ARHGAP39: variants seen among roughly 807,000 people sequenced by gnomAD.
ARHGAP39 encodes the protein rho GTPase-activating protein 39.
A neutral mutation model predicts 106.9 loss-of-function variants in ARHGAP39; 44 were observed. The observed-to-expected ratio is 0.41, with a 90% CI of 0.32 to 0.53. The LOEUF is 0.53. ARHGAP39 is among the 20% of genes least tolerant of loss of function. The probability of loss-of-function intolerance (pLI) is 0.21; values close to 1 mark genes in which losing one functional copy is unlikely to be tolerated. For synonymous variants in ARHGAP39, 768 were observed against 693.2 expected, an observed-to-expected ratio of 1.11 and a Z score of -1.69; for missense variants, 1,496 against 1,577.3, an observed-to-expected ratio of 0.95 and a Z score of 0.87.
At chr8:144,580,158 C>T (rs1818917745) in intron 3 of ARHGAP39, among the ~76,000 whole-genome samples, 1 of 152,098 alleles carries the variant, frequency 6.6e-6, no homozygotes. Context: ...GGGCAGGGGT[C>T]TCCTGGGCTC....
Position 144,643,406 on chromosome 8 carries a change from TCATG to T in ARHGAP39, c.-81-37715_-81-37712del, listed in dbSNP as rs1353256451. ...AGGCAGAGGTTGCAGTGAGCTGTGA[TCATG>T]CCACTGTACTTCAGCCTAGGCGACA... On this transcript the variant is annotated intron_variant, in intron 1 of 11. Coordinates refer to ENST00000377307, the MANE Select transcript of ARHGAP39 (RefSeq NM_025251.3). 3.3e-5 allele frequency among the ~76,000 whole-genome samples: 5 copies of T among 152,246 alleles called. No homozygotes were observed. The East Asian group carries it at 9.7e-4, about 29-fold the overall frequency.
Position 144,646,771 on chromosome 8 carries a change from T to A in ARHGAP39, c.-82+38915A>T, listed in dbSNP as rs1013754666. Among the ~76,000 whole-genome samples, 3 of 151,966 alleles carry A rather than the reference T, an allele frequency of 2.0e-5. No homozygotes were observed. Among genetic ancestry groups the A allele is most frequent in the Non-Finnish European group, 4.4e-5 (3 of 67,944 alleles). On this transcript the variant is annotated intron_variant, in intron 1 of 11. Transcript: ENST00000377307. This position sits in a 1 kb window ranked among gnomAD's most constrained non-coding sequence, Gnocchi z 5.7. ...GGTGAGACCCTCGCTGGGCCCAGAGTCCAAGCGGGCCATGGCCCTGGCACT... is the reference window on the plus strand; with the variant it reads ...GGTGAGACCCTCGCTGGGCCCAGAGACCAAGCGGGCCATGGCCCTGGCACT...
At chr8:144,681,347 G>A (rs546976679) in intron 1 of ARHGAP39, among the ~76,000 whole-genome samples, 67 of 152,306 alleles carry the variant, frequency 4.4e-4, no homozygotes, top group South Asian at 1.0e-3. Context: ...CCAGCTCTGC[G>A]AGGGAGTCTG....
At position 144,641,028 on chromosome 8, in the gene ARHGAP39, CAAT is replaced by C. The variant is rs1178186829; in HGVS notation, c.-81-35336_-81-35334del. Reference sequence around the variant, plus strand: ...ACATTACTCTATTTCTTATTTCCTACAATAATAAAATGTACACTCAACTAGATA... The same window carrying C: ...ACATTACTCTATTTCTTATTTCCTACAATAAAATGTACACTCAACTAGATA... On this transcript the variant is annotated intron_variant, in intron 1 of 11. Transcript: ENST00000377307. The surrounding 1 kb of genome is among the most constrained non-coding windows in gnomAD (Gnocchi z 5.2). 6.6e-6 allele frequency among the ~76,000 whole-genome samples: 1 copy of C among 152,162 alleles called. No individual in the cohort carries two copies. Among genetic ancestry groups the C allele is most frequent in the African/African-American group, 2.4e-5 (1 of 41,446 alleles).
At chr8:144,654,421 T>C (rs1009640119) in intron 1 of ARHGAP39, among the ~76,000 whole-genome samples, 1 of 152,106 alleles carries the variant, frequency 6.6e-6, no homozygotes, top group African/African-American at 2.4e-5. Context: ...GGAGGATCAA[T>C]TGACCCTGGG....
At chr8:144,533,045 T>A in intron 9 of ARHGAP39, 81 bp downstream of exon 9, 2 of 1,512,982 alleles carry the variant, frequency 1.3e-6, no homozygotes, top group Non-Finnish European at 1.8e-6. Context: ...GCCTGAGGCT[T>A]AATGGCCCCT....
intron 3 of ARHGAP39, among the ~76,000 whole-genome samples, chr8:144,575,520 T>C (rs1369383246): frequency 1.3e-5 from 2 of 152,134 alleles, no homozygotes; most frequent in Non-Finnish European, 2.9e-5. Context: ...AGCCTAGGCC[T>C]ACCCATGCTC....
Position 144,581,010 on chromosome 8 carries a change from C to G in ARHGAP39, c.348G>C (p.Pro116=). Residue 116 remains proline (P), a synonymous_variant, in exon 3 of 12, where the codon CCG becomes CCC. Coordinates refer to ENST00000377307, the MANE Select transcript of ARHGAP39 (RefSeq NM_025251.3). ...LQTLKQNTES[P]RASAESSPGR... ...CGGGGCTGCTCTCCGCCGAGGCGCGCGGGGACTCCGTGTTCTGCTTCAGCG... is the reference window on the plus strand; with the variant it reads ...CGGGGCTGCTCTCCGCCGAGGCGCGGGGGGACTCCGTGTTCTGCTTCAGCG... 6.3e-7 allele frequency: 1 copy of G among 1,589,828 alleles called. No homozygotes were observed. The highest frequency in any genetic ancestry group is 1.1e-5 in the South Asian group (1 of 88,316).
intron 1 of ARHGAP39, among the ~76,000 whole-genome samples, chr8:144,652,094 C>A (rs1010020655): frequency 6.6e-6 from 1 of 152,096 alleles, no homozygotes; most frequent in East Asian, 1.9e-4. Context: ...TGAGCTTCTG[C>A]ACAGCAAATG....
upstream of ARHGAP39, among the ~76,000 whole-genome samples, chr8:144,688,122 G>A (rs957428898): frequency 4.7e-5 from 4 of 84,724 alleles, no homozygotes; most frequent in African/African-American, 1.9e-4. Flanking sequence ...TTTTTTTTTT[G>A]AGATGGAGTC....
Position 144,545,780 on chromosome 8 carries a change from C to T in ARHGAP39, c.1990G>A (p.Glu664Lys), listed in dbSNP as rs557229440. The T allele has an allele frequency of 3.5e-5, 55 of 1,586,600 alleles. No individual in the cohort carries two copies. In the Admixed American group the frequency reaches 4.2e-4, roughly 12 times the overall value. ...SEDLAACAQF[E>K]SSRQSRSGVP... ...CCGCTGCGGCTCTGCCGGCTGCTCT[C>T]GAACTGGGCACAGGCAGCGAGGTCC... Residue 664 changes from glutamate (E) to lysine (K), a missense_variant, in exon 6 of 12, where the codon GAG becomes AAG. Glu to Lys is a moderately conservative substitution (Grantham distance 56). Around this residue, in one of 4 missense-constraint regions of ARHGAP39, gnomAD observed 905 missense variants for 816.4 expected, o/e 1.11. Transcript: ENST00000377307.
chr8:144,578,028 C>T (rs1459889461), intron 3 of ARHGAP39, among the ~76,000 whole-genome samples: 3 of 152,078 alleles, frequency 2.0e-5, no homozygotes, highest in African/African-American at 4.8e-5. Context: ...AAAGCCAATC[C>T]CCAAATTCTT....
intron 3 of ARHGAP39, among the ~76,000 whole-genome samples, chr8:144,558,027 TG>T (rs2130862601): frequency 6.6e-6 from 1 of 152,360 alleles, no homozygotes; most frequent in South Asian, 2.1e-4. Flanking sequence ...ACGTACCACC[TG>T]CCATCAGAGG....
At chr8:144,637,918 C>A (rs1480423945) in intron 1 of ARHGAP39, among the ~76,000 whole-genome samples, 3 of 150,864 alleles carry the variant, frequency 2.0e-5, no homozygotes, top group African/African-American at 7.3e-5. Context: ...TGGTCTTGAA[C>A]TCCTGGCCTC....
At chr8:144,542,257 A>G (rs1817222997) in intron 6 of ARHGAP39, among the ~76,000 whole-genome samples, 1 of 152,212 alleles carries the variant, frequency 6.6e-6, no homozygotes, top group Non-Finnish European at 1.5e-5. Context: ...GGGACCAGCC[A>G]GGAGACCCCC....
intron 4 of ARHGAP39, among the ~76,000 whole-genome samples, chr8:144,551,681 C>T (rs1427370731): frequency 2.6e-5 from 4 of 152,170 alleles, no homozygotes; most frequent in Non-Finnish European, 5.9e-5. Context: ...TGCATTCCCC[C>T]AACCCCATCA....
intron 1 of ARHGAP39, among the ~76,000 whole-genome samples, chr8:144,657,163 G>A (rs1821717683): frequency 6.6e-6 from 1 of 152,004 alleles, no homozygotes; most frequent in Non-Finnish European, 1.5e-5. Flanking sequence ...GCAGGCCAAG[G>A]TGGGTAGATT....
In ARHGAP39 at chr8:144,548,919, CA is replaced by C. The variant is rs1424347480; in HGVS notation, c.597-431del. Among the ~76,000 whole-genome samples the C allele has an allele frequency of 6.6e-6, 1 of 152,228 alleles. No individual in the cohort carries two copies. The highest frequency in any genetic ancestry group is 1.5e-5 in the Non-Finnish European group (1 of 68,038). ...CCAGGTGAGCCCAGCAGGAGGAAGGCACACCACCAGAATCCCACGGCCCCAT... is the reference window on the plus strand; with the variant it reads ...CCAGGTGAGCCCAGCAGGAGGAAGGCCACCACCAGAATCCCACGGCCCCAT... On this transcript the variant is annotated intron_variant, in intron 4 of 11. Coordinates refer to ENST00000377307, the MANE Select transcript of ARHGAP39 (RefSeq NM_025251.3). The surrounding 1 kb of genome is among the most constrained non-coding windows in gnomAD (Gnocchi z 7.4).
In ARHGAP39 at chr8:144,670,337, C is replaced by G. The variant is rs1822070913; in HGVS notation, c.-82+15349G>C. ...AGCACCTGGGACCAGGAGGCTGTGC[C>G]CGGGTTCACCACACTGCTCCATCAC... is the stretch of plus-strand genomic sequence containing the variant. On this transcript the variant is annotated intron_variant, in intron 1 of 11. Coordinates refer to ENST00000377307, the MANE Select transcript of ARHGAP39 (RefSeq NM_025251.3). The surrounding 1 kb of genome is among the most constrained non-coding windows in gnomAD (Gnocchi z 4.4). Among the ~76,000 whole-genome samples, 1 of 152,190 alleles carries G rather than the reference C, an allele frequency of 6.6e-6. No homozygotes were observed. Among genetic ancestry groups the G allele is most frequent in the African/African-American group, 2.4e-5 (1 of 41,444 alleles).
Sources: allele counts gnomAD v4.1 joint callset (sites outside exome capture counted in the v4.1 genomes callset), GRCh38; gene constraint gnomAD v4.1.1; regional missense constraint gnomAD v4.1.1; non-coding constraint Gnocchi (gnomAD v3.1); transcripts MANE v1.5; gene names NCBI Gene and HGNC (gene_info 2026-07-23, HGNC 2026-07-21).